GLP2R: variants seen among roughly 807,000 people sequenced by gnomAD.
GLP2R encodes glucagon-like peptide 2 receptor.
A neutral mutation model predicts 68.2 loss-of-function variants in GLP2R; 59 were observed. The ratio of observed to expected loss-of-function variants is 0.87; its 90% CI spans 0.70 to 1.07. The LOEUF (loss-of-function observed/expected upper bound fraction) is 1.07. Ranked by LOEUF, GLP2R falls within the 50% of genes least tolerant of loss-of-function variation. GLP2R has a pLI of 0.00. For synonymous variants in GLP2R, 270 were observed against 265.4 expected (o/e 1.02, Z -0.17); for missense variants, 548 against 677.4 (o/e 0.81, Z 2.12).
At chr17:9,866,388 TA>T in intron 9 of GLP2R, 1 of 165,172 alleles carries the variant, frequency 6.1e-6, no homozygotes, top group Admixed American at 5.6e-5. Flanking sequence ...TACTGGCATC[TA>T]GTGGGTGGAG....
Position 9,870,853 on chromosome 17 carries a change from G to T in GLP2R, c.1145+18G>T, listed in dbSNP as rs1445383323. The T allele has an allele frequency of 1.3e-5, 16 of 1,196,490 alleles. No individual in the cohort carries two copies. Among genetic ancestry groups the T allele is most frequent in the Non-Finnish European group, 2.0e-5 (16 of 799,648 alleles). The allele number at this position is 1,196,490 out of a possible 1,614,324, so 74.1% of individuals were successfully genotyped here. On this transcript the variant is annotated intron_variant, in intron 10 of 12. Coordinates refer to ENST00000262441, the MANE Select transcript of GLP2R (RefSeq NM_004246.3). ...AAATACAGGTGAGTGGCTTAAGGTT[G>T]GTCCCCAGCAGTCCAAGGTTATTGT...
chr17:9,864,930 T>G (rs936737444), intron 9 of GLP2R, among the ~76,000 whole-genome samples: 2 of 152,208 alleles, frequency 1.3e-5, no homozygotes, highest in African/African-American at 4.8e-5. Flanking sequence ...CTAGTTTCCC[T>G]TGGTGCTTCC....
At chr17:9,876,433 A>G (rs1214142508) in intron 10 of GLP2R, among the ~76,000 whole-genome samples, 4 of 152,232 alleles carry the variant, frequency 2.6e-5, no homozygotes, top group Non-Finnish European at 4.4e-5. Flanking sequence ...GGTTTAATGC[A>G]CAGTGGACAG....
intron 4 of GLP2R, among the ~76,000 whole-genome samples, chr17:9,850,871 T>G (rs530896014): frequency 6.6e-6 from 1 of 152,034 alleles, no homozygotes; most frequent in African/African-American, 2.4e-5. Context: ...TTTTTGTATT[T>G]TTAGTAGAGA....
intron 3 of GLP2R, among the ~76,000 whole-genome samples, chr17:9,839,350 GGGACAGGGA>G (rs1188100534): frequency 6.6e-6 from 1 of 152,092 alleles, no homozygotes; most frequent in Non-Finnish European, 1.5e-5. Flanking sequence ...TAGAAACTGA[GGGACAGGGA>G]GGAGTAGAAA....
At chr17:9,863,240 C>T (rs2067003354) in intron 9 of GLP2R, among the ~76,000 whole-genome samples, 1 of 152,226 alleles carries the variant, frequency 6.6e-6, no homozygotes, top group South Asian at 2.1e-4. Context: ...GGGGTCCTGT[C>T]TGGACAATTC....
At chr17:9,827,548 C>A (rs1457816763) in intron 1 of GLP2R, among the ~76,000 whole-genome samples, 1 of 152,130 alleles carries the variant, frequency 6.6e-6, no homozygotes, top group African/African-American at 2.4e-5. Context: ...TTATTCTATC[C>A]AAGAAGATTA....
chr17:9,847,985 A>G (rs2066857197), intron 4 of GLP2R, among the ~76,000 whole-genome samples: 1 of 152,166 alleles, frequency 6.6e-6, no homozygotes, highest in Non-Finnish European at 1.5e-5. Context: ...TTCCATGTCT[A>G]ATCTTCCATC....
intron 9 of GLP2R, among the ~76,000 whole-genome samples, chr17:9,865,480 A>G (rs1445238571): frequency 1.3e-5 from 2 of 152,006 alleles, no homozygotes; most frequent in Non-Finnish European, 2.9e-5. Flanking sequence ...ATGGGTCACT[A>G]TTTCCCTCAG....
intron 11 of GLP2R, among the ~76,000 whole-genome samples, chr17:9,883,851 T>C (rs2067218216): frequency 1.3e-5 from 2 of 152,152 alleles, no homozygotes; most frequent in Non-Finnish European, 2.9e-5. Context: ...TTTCAAGAAA[T>C]ATCAAAGGAT....
At chr17:9,881,660 G>A (rs370374191) in intron 11 of GLP2R, among the ~76,000 whole-genome samples, 9 of 135,604 alleles carry the variant, frequency 6.6e-5, no homozygotes, top group Admixed American at 2.8e-4. Flanking sequence ...GATTACAGGC[G>A]TGAGCCACCG....
intron 5 of GLP2R, among the ~76,000 whole-genome samples, chr17:9,854,974 G>A (rs940214088): frequency 6.6e-6 from 1 of 152,132 alleles, no homozygotes; most frequent in Non-Finnish European, 1.5e-5. Flanking sequence ...AGCTGGTCAA[G>A]GTTAGATTTC....
chr17:9,830,492 C>CAG (rs2152029109), intron 1 of GLP2R, among the ~76,000 whole-genome samples: 1 of 152,264 alleles, frequency 6.6e-6, no homozygotes, highest in South Asian at 2.1e-4. Context: ...GGCCGTAACT[C>CAG]AGAGAGAGAT....
At chr17:9,852,934 TC>T (rs1282269987) in intron 4 of GLP2R, 1 of 492,566 alleles carries the variant, frequency 2.0e-6, no homozygotes, top group Non-Finnish European at 3.9e-6. Context: ...ATTCTTCTCC[TC>T]TTCATCTTCT....
chr17:9,860,242 GA>G, intron 7 of GLP2R, 141 bp downstream of exon 7: 1 of 759,278 alleles, frequency 1.3e-6, no homozygotes, highest in Admixed American at 3.0e-5. Flanking sequence ...GAGCTTTGAA[GA>G]GGGGTATGTG....
intron 9 of GLP2R, among the ~76,000 whole-genome samples, chr17:9,864,002 G>A (rs529496454): frequency 2.3e-4 from 35 of 152,308 alleles, no homozygotes; most frequent in African/African-American, 6.3e-4. Context: ...CTAGGATAGC[G>A]TTGAGGCATG....
intron 9 of GLP2R, among the ~76,000 whole-genome samples, chr17:9,867,874 C>T (rs989025742): frequency 6.6e-5 from 10 of 152,220 alleles, no homozygotes; most frequent in African/African-American, 2.4e-4. Flanking sequence ...TTTGTCTTCA[C>T]TGGCCTTGTC....
intron 4 of GLP2R, among the ~76,000 whole-genome samples, chr17:9,847,735 C>T (rs1050168805): frequency 3.3e-5 from 5 of 152,104 alleles, no homozygotes; most frequent in South Asian, 4.2e-4. Context: ...GAAGGCTGAT[C>T]GTATTCAGGT....
At position 9,888,824 on chromosome 17, in the gene GLP2R, T is replaced by C. The variant is rs574089176; in HGVS notation, c.1327-546T>C. On this transcript the variant is annotated intron_variant, in intron 12 of 12. Coordinates refer to ENST00000262441, the MANE Select transcript of GLP2R (RefSeq NM_004246.3). ...TAGCCCAACCAGCTCTCTGCTTCCCTGGGAAAAGATTTGACAGTGGGAGGG... is the reference window on the plus strand; with the variant it reads ...TAGCCCAACCAGCTCTCTGCTTCCCCGGGAAAAGATTTGACAGTGGGAGGG... Among the ~76,000 whole-genome samples the C allele has an allele frequency of 2.0e-5, 3 of 152,296 alleles. No individual in the cohort carries two copies. In the South Asian group the frequency reaches 6.2e-4, roughly 32 times the overall value.
Sources: allele counts gnomAD v4.1 joint callset (sites outside exome capture counted in the v4.1 genomes callset), GRCh38; gene constraint gnomAD v4.1.1; transcripts MANE v1.5; gene names NCBI Gene and HGNC (gene_info 2026-07-23, HGNC 2026-07-21).